The following TCF7L1 variants were observed in gnomAD, a reference collection of about 807,000 sequenced individuals.
The protein encoded by TCF7L1 is transcription factor 7-like 1.
TCF7L1 carries 18 observed loss-of-function variants against 63.7 expected under a neutral mutation model. The observed-to-expected ratio is 0.28, with a 90% CI of 0.20 to 0.42. TCF7L1 has a LOEUF of 0.42. Ranked by LOEUF, TCF7L1 falls within the 10% of genes least tolerant of loss-of-function variation. TCF7L1 has a pLI of 1.00. For missense variants in TCF7L1, 654 were observed against 779.3 expected, an observed-to-expected ratio of 0.84 and a Z score of 1.91; for synonymous variants, 355 against 340.9, an observed-to-expected ratio of 1.04 and a Z score of -0.46.
intron 3 of TCF7L1, among the ~76,000 whole-genome samples, chr2:85,260,802 A>G (rs1680841505): frequency 6.6e-6 from 1 of 152,236 alleles, no homozygotes; most frequent in Non-Finnish European, 1.5e-5. Context: ...GAAGGAAAAA[A>G]GAAAACTCAG....
chr2:85,179,068 C>T (rs1678741844), intron 3 of TCF7L1, among the ~76,000 whole-genome samples: 1 of 152,222 alleles, frequency 6.6e-6, no homozygotes, highest in East Asian at 1.9e-4. Context: ...CACCTCTGAG[C>T]TGCTTTCCCT....
At chr2:85,144,378 C>G (rs1026144834) in intron 3 of TCF7L1, among the ~76,000 whole-genome samples, 1 of 139,314 alleles carries the variant, frequency 7.2e-6, no homozygotes, top group African/African-American at 2.7e-5. Context: ...CTCAGGAGTT[C>G]GAGACCAGCC....
chr2:85,183,240 A>G (rs946866915), intron 3 of TCF7L1, among the ~76,000 whole-genome samples: 5 of 152,314 alleles, frequency 3.3e-5, no homozygotes, highest in African/African-American at 9.6e-5. Context: ...CAAGAGTGTC[A>G]CTGACTCATA....
At chr2:85,162,850 G>A (rs955373610) in intron 3 of TCF7L1, among the ~76,000 whole-genome samples, 1 of 152,090 alleles carries the variant, frequency 6.6e-6, no homozygotes, top group African/African-American at 2.4e-5. Context: ...TTACTGAATT[G>A]ATGTTTTAGT....
chr2:85,219,404 AG>A (rs1220513406), intron 3 of TCF7L1, among the ~76,000 whole-genome samples: 16 of 151,984 alleles, frequency 1.1e-4, no homozygotes, highest in African/African-American at 3.9e-4. Flanking sequence ...CATGAGCACA[AG>A]GGACATGAAC....
chr2:85,222,859 T>G (rs1679877981), intron 3 of TCF7L1, among the ~76,000 whole-genome samples: 1 of 152,090 alleles, frequency 6.6e-6, no homozygotes, highest in Non-Finnish European at 1.5e-5. Flanking sequence ...TTTAAAAAAT[T>G]TTCTGCTTTC....
At chr2:85,249,909 C>T (rs970582703) in intron 3 of TCF7L1, among the ~76,000 whole-genome samples, 1 of 152,170 alleles carries the variant, frequency 6.6e-6, no homozygotes, top group African/African-American at 2.4e-5. Context: ...ATTTCTTTAT[C>T]CCACTATGTT....
chr2:85,168,528 G>A (rs1189321280), intron 3 of TCF7L1, among the ~76,000 whole-genome samples: 1 of 151,972 alleles, frequency 6.6e-6, no homozygotes. Context: ...GGGTGCTGCC[G>A]AGTCTGAGCA....
chr2:85,198,251 A>G (rs976343618), intron 3 of TCF7L1, among the ~76,000 whole-genome samples: 1 of 152,266 alleles, frequency 6.6e-6, no homozygotes, highest in Non-Finnish European at 1.5e-5. Flanking sequence ...AATTCAGTTT[A>G]TAAAACAGCT....
chr2:85,227,865 A>G (rs1679991824), intron 3 of TCF7L1, among the ~76,000 whole-genome samples: 1 of 151,658 alleles, frequency 6.6e-6, no homozygotes, highest in Non-Finnish European at 1.5e-5. Context: ...GGTGCCGTGC[A>G]CCTGTAGTCC....
At chr2:85,195,524 C>G (rs550921818) in intron 3 of TCF7L1, among the ~76,000 whole-genome samples, 1 of 152,022 alleles carries the variant, frequency 6.6e-6, no homozygotes, top group Non-Finnish European at 1.5e-5. Context: ...TTTTTGCTTG[C>G]TTTTTTGCTT....
chr2:85,229,426 C>T (rs78214788), intron 3 of TCF7L1, among the ~76,000 whole-genome samples: 2 of 152,182 alleles, frequency 1.3e-5, no homozygotes, highest in Non-Finnish European at 2.9e-5. Context: ...TGTCCTATAA[C>T]CCCAATTCTG....
intron 3 of TCF7L1, among the ~76,000 whole-genome samples, chr2:85,269,264 C>T (rs1202530596): frequency 2.0e-5 from 3 of 152,120 alleles, no homozygotes; most frequent in Non-Finnish European, 4.4e-5. Context: ...TGCCACATAC[C>T]ACCTATACTA....
rs548389475 is a variant in TCF7L1, at chr2:85,283,735, A to G, written c.525+157A>G. Among the ~76,000 whole-genome samples, 8 of 152,262 alleles carry G rather than the reference A, an allele frequency of 5.3e-5. No homozygotes were observed. The South Asian group carries it at 1.0e-3, about 20-fold the overall frequency. On this transcript the variant is annotated intron_variant, in intron 4 of 11. Transcript: ENST00000282111. ...AAGAGCTGAGTGCTTGGGGCTAACAATTGGGTTGTGACCTCAACACACACA... is the reference window on the plus strand; with the variant it reads ...AAGAGCTGAGTGCTTGGGGCTAACAGTTGGGTTGTGACCTCAACACACACA...
chr2:85,202,991 G>A (rs1289149103), intron 3 of TCF7L1, among the ~76,000 whole-genome samples: 1 of 151,892 alleles, frequency 6.6e-6, no homozygotes, highest in African/African-American at 2.4e-5. Flanking sequence ...CCGCCACCAC[G>A]CCCGGCTAAT....
intron 3 of TCF7L1, among the ~76,000 whole-genome samples, chr2:85,248,631 A>G (rs1325413740): frequency 6.6e-6 from 1 of 152,168 alleles, no homozygotes; most frequent in East Asian, 1.9e-4. Flanking sequence ...GGAGGGAGGA[A>G]GAAGAGTATC....
chr2:85,291,368 T>C (rs1472230265), intron 4 of TCF7L1, among the ~76,000 whole-genome samples: 1 of 152,218 alleles, frequency 6.6e-6, no homozygotes, highest in South Asian at 2.1e-4. Context: ...AATTCATCAC[T>C]CACAAGTTCT....
chr2:85,236,169 C>CT (rs1196221476), intron 3 of TCF7L1, among the ~76,000 whole-genome samples: 3 of 132,482 alleles, frequency 2.3e-5, no homozygotes, highest in Non-Finnish European at 4.5e-5. Flanking sequence ...CGCCATCCCC[C>CT]CCCCAAAAAA....
chr2:85,134,623 G>A lies in TCF7L1; in HGVS notation c.441+173G>A, dbSNP rs1371661778. ...CGAGCGCGAGGCTGCGCTGGCCAGT[G>A]CCTGGATGAAAGTAAAGTTACTTTA... On this transcript the variant is annotated intron_variant, in intron 3 of 11. Transcript: ENST00000282111. This position sits in a 1 kb window ranked among gnomAD's most constrained non-coding sequence, Gnocchi z 5.0. 6.6e-6 allele frequency among the ~76,000 whole-genome samples: 1 copy of A among 152,250 alleles called. No homozygotes were observed. The highest frequency in any genetic ancestry group is 1.9e-4 in the East Asian group (1 of 5,194).
Sources: gnomAD v4.1 joint callset for allele counts (sites outside exome capture counted in the v4.1 genomes callset) on GRCh38, gnomAD v4.1.1 for gene constraint, Gnocchi (gnomAD v3.1) non-coding constraint, MANE v1.5 for transcripts, NCBI Gene and HGNC (gene_info 2026-07-23, HGNC 2026-07-21) for gene names.